CARHSP1: variants seen among roughly 807,000 people sequenced by gnomAD.
CARHSP1 encodes the protein calcium regulated heat stable protein 1.
In CARHSP1, 14 loss-of-function variants were observed where a neutral mutation model predicts 12.5. The observed-to-expected ratio is 1.12, with a 90% confidence interval of 0.74 to 1.75. The LOEUF is 1.75. Among genes scored for constraint, CARHSP1 ranks in the 40% most tolerant of loss-of-function variants. The pLI, the probability that CARHSP1 is intolerant of heterozygous loss-of-function variation, is 0.00. For synonymous variants in CARHSP1, 161 were observed against 82.0 expected (o/e 1.96, Z -5.20); for missense variants, 343 against 201.6 (o/e 1.70, Z -4.25).
At position 8,858,449 on chromosome 16, in the gene CARHSP1, G is replaced by C. The variant is rs750103658; in HGVS notation, c.182C>G (p.Pro61Arg). 3 of 1,613,932 alleles carry C rather than the reference G, an allele frequency of 1.9e-6. No individual in the cohort carries two copies. The highest frequency in any genetic ancestry group is 2.5e-6 in the Non-Finnish European group (3 of 1,180,014). The part of the protein sequence containing the change: ...FSATVRASQG[P>R]VYKGVCKCFC... Reference sequence around the variant, plus strand: ...GCATTTGCAGACTCCTTTGTAGACGGGGCCCTGTGAAGCCCGCACCGTCCT... The same window carrying C: ...GCATTTGCAGACTCCTTTGTAGACGCGGCCCTGTGAAGCCCGCACCGTCCT... Residue 61 changes from proline to arginine, a missense_variant, in exon 3 of 4, where the codon CCC (proline) becomes CGC (arginine). Coordinates refer to ENST00000311052, the MANE Select transcript of CARHSP1 (RefSeq NM_014316.4).
In CARHSP1 at chr16:8,853,068, G is replaced by A. The variant is rs1416581450; in HGVS notation, c.*2096C>T. The A allele has an allele frequency of 6.6e-6, 1 of 152,072 alleles. No individual in the cohort carries two copies. Among genetic ancestry groups the A allele is most frequent in the Non-Finnish European group, 1.5e-5 (1 of 68,024 alleles). The allele number at this position is 152,072 out of a possible 1,614,324, so 9.4% of individuals were successfully genotyped here. On this transcript the variant is annotated 3_prime_UTR_variant, in exon 4 of 4. Coordinates refer to ENST00000311052, the MANE Select transcript of CARHSP1 (RefSeq NM_014316.4). ...AACCCTCCGTCCCTCCCAGAGCCTC[G>A]AGGAGTTTCCCCTTGTGTAAACCGG...
chr16:8,863,212 C>G (rs912604506), intron 1 of CARHSP1, among the ~76,000 whole-genome samples: 1 of 147,914 alleles, frequency 6.8e-6, no homozygotes, highest in African/African-American at 2.5e-5. Flanking sequence ...CTCTCAACCT[C>G]CTGGGCTCAG....
chr16:8,859,705 C>T, intron 1 of CARHSP1: 1 of 167,752 alleles, frequency 6.0e-6, no homozygotes, highest in Non-Finnish European at 1.3e-5. Flanking sequence ...GGGCCGGGCG[C>T]AGTGGCTCAC....
rs568944265 is a variant in CARHSP1 at position 8,856,827 on chromosome 16, C to A, written c.282-1501G>T. Among the ~76,000 whole-genome samples the A allele has an allele frequency of 5.9e-5, 9 of 152,018 alleles. 1 individual carries two copies. The highest frequency in any genetic ancestry group is 5.2e-4 in the Admixed American group (8 of 15,262). On this transcript the variant is annotated intron_variant, in intron 3 of 3. Coordinates refer to ENST00000311052, the MANE Select transcript of CARHSP1 (RefSeq NM_014316.4). ...GGGTCCTCCCCTGTCTAAAGGCTGC[C>A]CAGAGGATCAGAGGTGAAGCATGGG...
chr16:8,861,272 TC>T (rs1425160952), intron 1 of CARHSP1, among the ~76,000 whole-genome samples: 3 of 143,016 alleles, frequency 2.1e-5, no homozygotes, highest in Admixed American at 1.4e-4. Context: ...TCCCACCTCT[TC>T]CTCTCAAAGT....
chr16:8,864,293 G>A (rs1271675935), intron 1 of CARHSP1, among the ~76,000 whole-genome samples: 2 of 151,834 alleles, frequency 1.3e-5, no homozygotes, highest in Admixed American at 6.6e-5. Flanking sequence ...CACGTCCATG[G>A]AGCGGGGAGC....
intron 3 of CARHSP1, among the ~76,000 whole-genome samples, chr16:8,857,080 C>T (rs1234339070): frequency 6.6e-6 from 1 of 152,064 alleles, no homozygotes; most frequent in East Asian, 1.9e-4. Context: ...CCAAACAGGG[C>T]TCCCCAGCCT....
chr16:8,860,268 C>CCAT, intron 1 of CARHSP1: 9 of 982,702 alleles, frequency 9.2e-6, no homozygotes, highest in Non-Finnish European at 1.1e-5. Context: ...GCATCCAGCT[C>CCAT]CATCAGGCCC....
At chr16:8,857,460 T>TTTTTC (rs1555455923) in intron 3 of CARHSP1, 5 of 93,526 alleles carry the variant, frequency 5.3e-5, no homozygotes, top group South Asian at 4.4e-4. Context: ...TTTTTTTTTT[T>TTTTTC]TTTCTATTTT....
chr16:8,865,650 G>A (rs540132659), intron 1 of CARHSP1, among the ~76,000 whole-genome samples: 1 of 152,344 alleles, frequency 6.6e-6, no homozygotes, highest in South Asian at 2.1e-4. Flanking sequence ...AGGTGTGGTG[G>A]GTAGTGGCCC....
chr16:8,861,855 G>GAGGGC, intron 1 of CARHSP1: 1 of 1,187,610 alleles, frequency 8.4e-7, no homozygotes, highest in Non-Finnish European at 1.1e-6. Context: ...CCTGGGAGGG[G>GAGGGC]AGGGCCCTGT....
intron 1 of CARHSP1, chr16:8,861,498 C>T (rs1175187264): frequency 2.6e-6 from 2 of 782,464 alleles, no homozygotes; most frequent in African/African-American, 1.8e-5. Flanking sequence ...CGCCTTCAAG[C>T]ATAGCCACCC....
rs1315960023 is a variant in CARHSP1, at chr16:8,857,263, G to GTTTTTTGTT, written c.281+1086_281+1087insAACAAAAAA. ...TGGCTATGTGATCTTGGGCAGATCT[G>GTTTTTTGTT]TTTTTTTTTTTTTTTTTTTTTTTTT... is the stretch of plus-strand genomic sequence containing the variant. On this transcript the variant is annotated intron_variant, in intron 3 of 3. Transcript: ENST00000311052. Among the ~76,000 whole-genome samples the GTTTTTTGTT allele has an allele frequency of 2.3e-3, 133 of 57,022 alleles. 12 individuals carry two copies. Among genetic ancestry groups the GTTTTTTGTT allele is most frequent in the South Asian group, 3.5e-3 (4 of 1,136 alleles). 37.4% of individuals were successfully genotyped at this position (57,022 alleles called of 152,430 possible). A position where few individuals can be genotyped will look rare whatever the true frequency, so the allele number is the denominator to read the frequency against.
At chr16:8,855,930 C>T (rs1178747376) in intron 3 of CARHSP1, among the ~76,000 whole-genome samples, 1 of 152,204 alleles carries the variant, frequency 6.6e-6, no homozygotes, top group Non-Finnish European at 1.5e-5. Flanking sequence ...AGTGATTCTC[C>T]TGCCTCAGCC....
chr16:8,858,271 G>A, intron 3 of CARHSP1, 79 bp downstream of exon 3: 1 of 1,542,104 alleles, frequency 6.5e-7, no homozygotes, highest in East Asian at 2.3e-5. Context: ...GCCCATCAGA[G>A]TCACACACCA....
intron 1 of CARHSP1, among the ~76,000 whole-genome samples, chr16:8,863,112 C>T (rs1377066556): frequency 9.2e-4 from 68 of 74,138 alleles, no homozygotes; most frequent in Middle Eastern, 0.026. Flanking sequence ...ACAAGGATGG[C>T]TTTTTTTTTT....
intron 2 of CARHSP1, chr16:8,858,789 C>T (rs1036765523): frequency 3.2e-5 from 14 of 434,552 alleles, no homozygotes; most frequent in African/African-American, 2.2e-4. Context: ...GCATCCTCCA[C>T]TCGCAAGGCC....
chr16:8,863,223 G>A (rs571809456), intron 1 of CARHSP1, among the ~76,000 whole-genome samples: 5 of 149,732 alleles, frequency 3.3e-5, no homozygotes, highest in African/African-American at 1.2e-4. Flanking sequence ...CTGGGCTCAG[G>A]TGATCCGCCC....
At chr16:8,861,199 T>TTTA (rs1567187143) in intron 1 of CARHSP1, among the ~76,000 whole-genome samples, 5 of 60,570 alleles carry the variant, frequency 8.3e-5, no homozygotes, top group Admixed American at 3.8e-4. Flanking sequence ...TTTTTTTTTT[T>TTTA]ATAGAGACAG....
Sources: allele counts gnomAD v4.1 joint callset (sites outside exome capture counted in the v4.1 genomes callset), GRCh38; gene constraint gnomAD v4.1.1; transcripts MANE v1.5; gene names NCBI Gene and HGNC (gene_info 2026-07-23, HGNC 2026-07-21).